The following PTPRJ variants were observed in gnomAD, a reference collection of about 807,000 sequenced individuals.
PTPRJ encodes the protein receptor-type tyrosine-protein phosphatase eta.
In PTPRJ, 129 loss-of-function variants were observed where a neutral mutation model predicts 141.3. The observed-to-expected ratio is 0.91, with a 90% confidence interval of 0.79 to 1.06. The LOEUF (loss-of-function observed/expected upper bound fraction) is 1.06, where lower values mean the gene tolerates loss of function less well. Ranked by LOEUF, PTPRJ falls within the 50% of genes least tolerant of loss-of-function variation. The pLI, the probability that PTPRJ is intolerant of heterozygous loss-of-function variation, is 0.00. For missense variants in PTPRJ, 1,601 were observed against 1,679.7 expected (o/e 0.95, Z 0.82); for synonymous variants, 610 against 640.5 (o/e 0.95, Z 0.72).
intron 1 of PTPRJ, among the ~76,000 whole-genome samples, chr11:48,087,787 G>C (rs142695237): frequency 4.2e-4 from 64 of 152,320 alleles, no homozygotes; most frequent in South Asian, 6.2e-4. Flanking sequence ...GGGTTCACGG[G>C]AGGATTTAAT....
At chr11:48,117,920 T>G (rs1432404490) in intron 3 of PTPRJ, among the ~76,000 whole-genome samples, 2 of 152,156 alleles carry the variant, frequency 1.3e-5, no homozygotes, top group African/African-American at 2.4e-5. Flanking sequence ...GGAACAATTA[T>G]GAACAATTAT....
intron 15 of PTPRJ, 58 bp downstream of exon 15, chr11:48,147,021 G>A (rs1857369463): frequency 1.4e-6 from 2 of 1,457,578 alleles, no homozygotes; most frequent in Non-Finnish European, 1.9e-6. Context: ...TTCTATTAAG[G>A]AACATTTCAA....
intron 1 of PTPRJ, among the ~76,000 whole-genome samples, chr11:47,998,655 T>C (rs776516505): frequency 6.6e-6 from 1 of 152,226 alleles, no homozygotes; most frequent in African/African-American, 2.4e-5. Flanking sequence ...AAAAAATGTA[T>C]GCAGTGCCCC....
intron 1 of PTPRJ, among the ~76,000 whole-genome samples, chr11:48,026,610 C>T (rs1853819194): frequency 6.6e-6 from 1 of 151,974 alleles, no homozygotes; most frequent in South Asian, 2.1e-4. Flanking sequence ...CCACCATGCC[C>T]AGCTAATTTT....
chr11:48,123,487 A>G, intron 4 of PTPRJ, 126 bp from the exon 5 acceptor site: 1 of 939,390 alleles, frequency 1.1e-6, no homozygotes, highest in Non-Finnish European at 1.6e-6. Context: ...TTGGGACATC[A>G]GTGACCTCAG....
At chr11:48,053,118 T>C (rs2134249366) in intron 1 of PTPRJ, among the ~76,000 whole-genome samples, 1 of 120,592 alleles carries the variant, frequency 8.3e-6, no homozygotes, top group South Asian at 2.2e-4. Context: ...ATATAAAATA[T>C]ATTATATATA....
At chr11:48,035,775 C>T (rs889356873) in intron 1 of PTPRJ, among the ~76,000 whole-genome samples, 2 of 151,950 alleles carry the variant, frequency 1.3e-5, no homozygotes, top group Admixed American at 6.6e-5. Context: ...CAGTGAAACT[C>T]GGGGTTAATT....
At chr11:48,142,279 G>T (rs1478884330) in intron 11 of PTPRJ, among the ~76,000 whole-genome samples, 1 of 152,160 alleles carries the variant, frequency 6.6e-6, no homozygotes, top group Non-Finnish European at 1.5e-5. Flanking sequence ...ATCAGGAAGT[G>T]TGAGGCCTCC....
intron 7 of PTPRJ, among the ~76,000 whole-genome samples, chr11:48,129,822 C>A (rs1220900551): frequency 6.6e-6 from 1 of 152,106 alleles, no homozygotes; most frequent in East Asian, 1.9e-4. Context: ...GAGCTCCAGT[C>A]ATTGCATCCA....
intron 1 of PTPRJ, among the ~76,000 whole-genome samples, chr11:47,983,806 TG>T (rs529591473): frequency 3.0e-4 from 46 of 151,384 alleles, no homozygotes; most frequent in African/African-American, 8.9e-4. Context: ...AAAGAATAAA[TG>T]AAAAAAAAAA....
At chr11:48,094,171 A>G (rs1205466756) in intron 1 of PTPRJ, among the ~76,000 whole-genome samples, 1 of 152,232 alleles carries the variant, frequency 6.6e-6, no homozygotes, top group Non-Finnish European at 1.5e-5. Flanking sequence ...CCACAGTGCA[A>G]GTAGGGAAAT....
At position 48,136,192 on chromosome 11, in the gene PTPRJ, C is replaced by T. The variant is rs150866870; in HGVS notation, c.1769C>T (p.Ala590Val). ...AACCACACAAGCACGTATGACAAAG[C>T]GATTACTCTCCAGGGCCTGATTCCG... ...GSNHTSTYDKAITLQGLIPGT... is the reference protein window; with the variant it reads ...GSNHTSTYDKVITLQGLIPGT... The change falls in exon 9 of 25, where the codon GCG becomes GTG. Residue 590 changes from alanine (A) to valine (V), a missense_variant. Ala to Val is a moderately conservative substitution (Grantham distance 64). Transcript: ENST00000418331. 1.1e-5 allele frequency: 18 copies of T among 1,614,184 alleles called. No homozygotes were observed. In the East Asian group the frequency reaches 3.1e-4, roughly 28 times the overall value.
intron 1 of PTPRJ, among the ~76,000 whole-genome samples, chr11:48,085,413 T>C (rs978731820): frequency 2.3e-4 from 35 of 152,120 alleles, no homozygotes; most frequent in Non-Finnish European, 4.4e-5. Flanking sequence ...GGTACAATCT[T>C]GGCTCACTGC....
At chr11:47,993,070 A>G (rs1485111419) in intron 1 of PTPRJ, among the ~76,000 whole-genome samples, 1 of 152,134 alleles carries the variant, frequency 6.6e-6, no homozygotes, top group Admixed American at 6.6e-5. Flanking sequence ...TGTAGCTGGA[A>G]ACCATTCCTG....
In PTPRJ at chr11:48,086,529, A is replaced by G. The variant is rs76791986; in HGVS notation, c.97-23529A>G. 1.0e-3 allele frequency among the ~76,000 whole-genome samples: 157 copies of G among 152,366 alleles called. No homozygotes were observed. The East Asian group carries it at 0.028, about 27-fold the overall frequency. On this transcript the variant is annotated intron_variant, in intron 1 of 24. Coordinates refer to ENST00000418331, the MANE Select transcript of PTPRJ (RefSeq NM_002843.4). ...ATCTTGCAGATGGGTAAACTGAGGT[A>G]GCGACAGGTGAAGGCTCAGTTACAT...
At chr11:48,028,995 C>T (rs1489305493) in intron 1 of PTPRJ, among the ~76,000 whole-genome samples, 3 of 152,178 alleles carry the variant, frequency 2.0e-5, no homozygotes, top group Admixed American at 6.5e-5. Context: ...GGTTTCAGAC[C>T]GTTTTCTGGT....
At chr11:48,082,371 G>A (rs899344981) in intron 1 of PTPRJ, among the ~76,000 whole-genome samples, 7 of 150,764 alleles carry the variant, frequency 4.6e-5, no homozygotes, top group Non-Finnish European at 8.8e-5. Flanking sequence ...AGCCTCCTGA[G>A]TAGCTGGGAC....
chr11:48,013,409 G>A (rs1204760685), intron 1 of PTPRJ, among the ~76,000 whole-genome samples: 1 of 152,214 alleles, frequency 6.6e-6, no homozygotes, highest in Non-Finnish European at 1.5e-5. Context: ...GCCGGTACTA[G>A]GTAGACTCAG....
chr11:48,024,541 TTCTA>T (rs1853754910), intron 1 of PTPRJ, among the ~76,000 whole-genome samples: 2 of 152,188 alleles, frequency 1.3e-5, no homozygotes, highest in African/African-American at 4.8e-5. Context: ...ACCTTTTCTT[TTCTA>T]TCTCTCTCAC....
Sources: allele counts gnomAD v4.1 joint callset (sites outside exome capture counted in the v4.1 genomes callset), GRCh38; gene constraint gnomAD v4.1.1; transcripts MANE v1.5; gene names NCBI Gene and HGNC (gene_info 2026-07-23, HGNC 2026-07-21).